The following UNC5D variants were observed in gnomAD, a reference collection of about 807,000 sequenced individuals.
The protein encoded by UNC5D is unc-5 netrin receptor D, also known as netrin receptor UNC5D.
UNC5D carries 39 observed loss-of-function variants against 105.4 expected under a neutral mutation model. The ratio of observed to expected loss-of-function variants is 0.37; its 90% CI spans 0.29 to 0.48. UNC5D has a LOEUF of 0.48. Among genes scored for constraint, UNC5D ranks in the 20% least tolerant of loss-of-function variants. UNC5D has a pLI of 0.98. For missense variants in UNC5D, 991 were observed against 1,202.4 expected, an observed-to-expected ratio of 0.82 and a Z score of 2.60; for synonymous variants, 452 against 450.4, an observed-to-expected ratio of 1.00 and a Z score of -0.04.
Position 35,512,676 on chromosome 8 carries a change from C to T in UNC5D, c.104-36616C>T, listed in dbSNP as rs1812837642. Among the ~76,000 whole-genome samples the T allele has an allele frequency of 2.7e-5, 4 of 148,662 alleles. No homozygotes were observed. In the Admixed American group the frequency reaches 2.7e-4, roughly 10 times the overall value. On this transcript the variant is annotated intron_variant, in intron 1 of 16. Transcript: ENST00000404895. The stretch of plus-strand genomic sequence containing the variant: ...ATCTAGCTTCAACAGTCTGCTCCTC[C>T]CCTGGTCTTGCATACATTTTAAGTT...
intron 1 of UNC5D, among the ~76,000 whole-genome samples, chr8:35,363,570 G>A (rs1235466941): frequency 6.6e-6 from 1 of 152,116 alleles, no homozygotes; most frequent in Non-Finnish European, 1.5e-5. Context: ...TTTTCATTAT[G>A]CATAGCACAG....
chr8:35,373,555 A>G (rs1477755211), intron 1 of UNC5D, among the ~76,000 whole-genome samples: 1 of 152,136 alleles, frequency 6.6e-6, no homozygotes, highest in African/African-American at 2.4e-5. Context: ...GTGAAGGTTT[A>G]ATTACTATCT....
At chr8:35,495,364 T>A (rs894363099) in intron 1 of UNC5D, among the ~76,000 whole-genome samples, 1 of 149,382 alleles carries the variant, frequency 6.7e-6, no homozygotes, top group East Asian at 2.0e-4. Flanking sequence ...GGGTGTCCAA[T>A]CTTTTAGCTT....
intron 1 of UNC5D, among the ~76,000 whole-genome samples, chr8:35,275,949 A>T (rs1284051449): frequency 6.6e-6 from 1 of 152,172 alleles, no homozygotes; most frequent in Non-Finnish European, 1.5e-5. Context: ...GATAAATGGG[A>T]TATGTCCATG....
intron 1 of UNC5D, among the ~76,000 whole-genome samples, chr8:35,390,544 A>G (rs534680737): frequency 9.8e-5 from 15 of 152,322 alleles, no homozygotes; most frequent in African/African-American, 3.6e-4. Context: ...TCTTTAAGGA[A>G]CAGAATTGAA....
intron 1 of UNC5D, among the ~76,000 whole-genome samples, chr8:35,486,887 G>A (rs1409285974): frequency 6.6e-6 from 1 of 152,122 alleles, no homozygotes; most frequent in African/African-American, 2.4e-5. Context: ...CAGGCTAGGA[G>A]ATGAGAACTG....
At chr8:35,389,696 A>T (rs1585730258) in intron 1 of UNC5D, among the ~76,000 whole-genome samples, 1 of 149,220 alleles carries the variant, frequency 6.7e-6, no homozygotes, top group South Asian at 2.1e-4. Flanking sequence ...ACCATAGTTT[A>T]CCTCCTTAAT....
chr8:35,327,184 T>C (rs140999570), intron 1 of UNC5D, among the ~76,000 whole-genome samples: 89 of 152,336 alleles, frequency 5.8e-4, no homozygotes, highest in African/African-American at 2.1e-3. Flanking sequence ...CATATAGCTG[T>C]AATGATATTT....
At chr8:35,649,878 C>T (rs567929027) in intron 4 of UNC5D, among the ~76,000 whole-genome samples, 4 of 152,204 alleles carry the variant, frequency 2.6e-5, no homozygotes, top group South Asian at 4.1e-4. Context: ...TGGAGAAACC[C>T]GATGACTGAA....
At chr8:35,533,224 C>T (rs1225448624) in intron 1 of UNC5D, among the ~76,000 whole-genome samples, 4 of 152,144 alleles carry the variant, frequency 2.6e-5, no homozygotes, top group African/African-American at 4.8e-5. Flanking sequence ...AATGGGTTTT[C>T]GGTATGGATG....
At chr8:35,634,827 C>T (rs1197605452) in intron 4 of UNC5D, among the ~76,000 whole-genome samples, 1 of 150,320 alleles carries the variant, frequency 6.7e-6, no homozygotes, top group Non-Finnish European at 1.5e-5. Flanking sequence ...AGTGCAATGG[C>T]AGGATCTTGG....
At chr8:35,264,209 A>G (rs1047299582) in intron 1 of UNC5D, among the ~76,000 whole-genome samples, 8 of 152,238 alleles carry the variant, frequency 5.3e-5, no homozygotes, top group African/African-American at 1.9e-4. Flanking sequence ...TTATCAATTC[A>G]TTAATCTATT....
chr8:35,261,957 A>T (rs897040594), intron 1 of UNC5D, among the ~76,000 whole-genome samples: 21 of 152,154 alleles, frequency 1.4e-4, no homozygotes, highest in African/African-American at 5.1e-4. Context: ...AAAAAATAAA[A>T]GTGGGTTATT....
intron 1 of UNC5D, among the ~76,000 whole-genome samples, chr8:35,350,928 A>G (rs1485634963): frequency 6.6e-6 from 1 of 152,078 alleles, no homozygotes; most frequent in Non-Finnish European, 1.5e-5. Flanking sequence ...GATAATGTTT[A>G]TATTTCATTT....
chr8:35,766,826 A>G, intron 14 of UNC5D, 76 bp from the exon 15 acceptor site: 1 of 1,421,738 alleles, frequency 7.0e-7, no homozygotes, highest in East Asian at 2.4e-5. Context: ...CATCATCATC[A>G]CTATTAAGTC....
intron 8 of UNC5D, 72 bp from the exon 9 acceptor site, chr8:35,722,138 T>G: frequency 6.5e-7 from 1 of 1,537,434 alleles, no homozygotes. Context: ...TAGCATTTCC[T>G]TTTGTATTCC....
chr8:35,613,593 C>T (rs546412074), intron 4 of UNC5D, among the ~76,000 whole-genome samples: 62 of 152,330 alleles, frequency 4.1e-4, no homozygotes, highest in African/African-American at 1.3e-3. Flanking sequence ...CATGGTCACT[C>T]ACGCCTGTAA....
chr8:35,330,685 A>T (rs549448428), intron 1 of UNC5D, among the ~76,000 whole-genome samples: 1 of 152,204 alleles, frequency 6.6e-6, no homozygotes, highest in Non-Finnish European at 1.5e-5. Flanking sequence ...AAATATACAT[A>T]AGATGATATG....
chr8:35,645,527 CTGTGTGTGTGTGTG>C (rs374310163), intron 4 of UNC5D, among the ~76,000 whole-genome samples: 9 of 145,486 alleles, frequency 6.2e-5, no homozygotes, highest in African/African-American at 2.2e-4. Context: ...TGTGTGTGTG[CTGTGTGTGTGTGTG>C]TGTGTGTGTG....
Sources: allele counts gnomAD v4.1 joint callset (sites outside exome capture counted in the v4.1 genomes callset), GRCh38; gene constraint gnomAD v4.1.1; transcripts MANE v1.5; gene names NCBI Gene and HGNC (gene_info 2026-07-23, HGNC 2026-07-21).